PRR11: variants seen among roughly 807,000 people sequenced by gnomAD.
PRR11 encodes proline rich 11.
Under a neutral mutation model 45.6 loss-of-function variants are expected in PRR11, and 30 were observed. That is an observed-to-expected ratio of 0.66 (90% CI 0.49 to 0.89). The LOEUF (loss-of-function observed/expected upper bound fraction) is 0.89. Among genes scored for constraint, PRR11 ranks in the 40% least tolerant of loss-of-function variants. The probability of loss-of-function intolerance (pLI) is 0.00; values close to 1 mark genes in which losing one functional copy is unlikely to be tolerated. For missense variants in PRR11, 373 were observed against 424.8 expected (o/e 0.88, Z 1.07); for synonymous variants, 128 against 153.5 (o/e 0.83, Z 1.23).
rs780286573 is a variant in PRR11 at position 59,201,620 on chromosome 17, GA to G, written c.1074del (p.Glu358AspfsTer20). 2 of 1,613,402 alleles carry G rather than the reference GA, an allele frequency of 1.2e-6. No individual in the cohort carries two copies. Among genetic ancestry groups the G allele is most frequent in the Non-Finnish European group, 8.5e-7 (1 of 1,179,908 alleles). Reference sequence around the variant, plus strand: ...GCCACTTTCTACAAGCAGCTTTGATGAACAAAACTGATGCCAACTCTGCCTC... The same window carrying G: ...GCCACTTTCTACAAGCAGCTTTGATGACAAAACTGATGCCAACTCTGCCTC... ...TLPLSTSSFD[E>X]QN On this transcript the variant is annotated frameshift_variant, in exon 10 of 10. Transcript: ENST00000262293. LOFTEE classifies it high-confidence loss of function.
intron 4 of PRR11, among the ~76,000 whole-genome samples, chr17:59,188,894 C>T (rs567308845): frequency 1.3e-5 from 2 of 151,392 alleles, no homozygotes; most frequent in African/African-American, 2.4e-5. Flanking sequence ...GAGCTGAGAT[C>T]GCGCCACAGC....
intron 1 of PRR11, among the ~76,000 whole-genome samples, chr17:59,158,629 T>C (rs1392040787): frequency 6.6e-6 from 1 of 152,214 alleles, no homozygotes; most frequent in African/African-American, 2.4e-5. Context: ...AGGTGAACTG[T>C]ATATGAGTGC....
At chr17:59,166,949 G>T (rs796749191) in intron 1 of PRR11, among the ~76,000 whole-genome samples, 5 of 152,218 alleles carry the variant, frequency 3.3e-5, no homozygotes, top group African/African-American at 1.2e-4. Flanking sequence ...AGATCACGAG[G>T]TCAGGAGATC....
intron 2 of PRR11, among the ~76,000 whole-genome samples, chr17:59,184,184 G>A (rs1486879357): frequency 2.6e-5 from 4 of 152,096 alleles, no homozygotes; most frequent in Non-Finnish European, 4.4e-5. Context: ...GTTCCTGGCC[G>A]GGCTCAGTGG....
intron 1 of PRR11, among the ~76,000 whole-genome samples, chr17:59,166,822 C>A (rs1483568515): frequency 6.6e-6 from 1 of 152,016 alleles, no homozygotes; most frequent in Non-Finnish European, 1.5e-5. Flanking sequence ...AGTGGCATTG[C>A]CACTTTTTAT....
chr17:59,161,447 A>AAC (rs2046652608), intron 1 of PRR11, among the ~76,000 whole-genome samples: 2 of 151,586 alleles, frequency 1.3e-5, no homozygotes, highest in Non-Finnish European at 2.9e-5. Context: ...CAAAAAAAAA[A>AAC]ACACACACAC....
At chr17:59,191,220 C>CTTTTTTT (rs60012514) in intron 4 of PRR11, among the ~76,000 whole-genome samples, 5 of 98,134 alleles carry the variant, frequency 5.1e-5, no homozygotes, top group East Asian at 2.4e-4. Context: ...TTCTTTTTTT[C>CTTTTTTT]TTTTTTTTTT....
chr17:59,174,848 A>G (rs2147841237), intron 2 of PRR11: 1 of 1,259,306 alleles, frequency 7.9e-7, no homozygotes, highest in Non-Finnish European at 1.1e-6. Context: ...TGGAAAAACA[A>G]ACGCCCCTTA....
At chr17:59,174,788 C>T (rs2046733358) in intron 2 of PRR11, among the ~76,000 whole-genome samples, 1 of 152,108 alleles carries the variant, frequency 6.6e-6, no homozygotes, top group African/African-American at 2.4e-5. Context: ...CTAGGAAACG[C>T]GGTGCGATCT....
rs769333548 is a variant in PRR11 at position 59,197,807 on chromosome 17, G to A, written c.1014+18G>A. On this transcript the variant is annotated intron_variant, in intron 9 of 9. Coordinates refer to ENST00000262293, the MANE Select transcript of PRR11 (RefSeq NM_018304.4). ...AGTTTCAGGTAACCCTTTAGGAAAA[G>A]AATATTGGTTCCTTTGCTTGAAAAT... 2 of 1,600,656 alleles carry A rather than the reference G, an allele frequency of 1.2e-6. No homozygotes were observed. Among genetic ancestry groups the A allele is most frequent in the South Asian group, 2.2e-5 (2 of 90,774 alleles).
intron 1 of PRR11, among the ~76,000 whole-genome samples, chr17:59,157,249 A>G (rs1247205806): frequency 2.0e-5 from 3 of 152,246 alleles, no homozygotes; most frequent in Admixed American, 6.5e-5. Context: ...CTGGGAAAAC[A>G]AAGATGAATG....
intron 2 of PRR11, among the ~76,000 whole-genome samples, chr17:59,174,313 T>C (rs1599695851): frequency 6.6e-6 from 1 of 152,208 alleles, no homozygotes. Flanking sequence ...TCACAAACCC[T>C]GAGTCCAGAA....
chr17:59,201,504 A>G, intron 9 of PRR11, 59 bp from the exon 10 acceptor site: 1 of 1,538,688 alleles, frequency 6.5e-7, no homozygotes, highest in South Asian at 1.1e-5. Flanking sequence ...GAGAAAGGAG[A>G]GTTGTACTTA....
At chr17:59,168,765 G>C (rs2046691914) in intron 1 of PRR11, among the ~76,000 whole-genome samples, 1 of 152,172 alleles carries the variant, frequency 6.6e-6, no homozygotes, top group African/African-American at 2.4e-5. Flanking sequence ...ATTTTACAGT[G>C]TATTGCCTAT....
chr17:59,195,474 A>G (rs753806119), intron 7 of PRR11, 31 bp downstream of exon 7: 1 of 1,367,898 alleles, frequency 7.3e-7, no homozygotes, highest in Non-Finnish European at 1.0e-6. Flanking sequence ...ATGCTCTACT[A>G]CTACTTAAAA....
At position 59,205,883 on chromosome 17, in the gene PRR11, C is replaced by CA. The variant is rs113333073; in HGVS notation, c.*4260dup. Among the ~76,000 whole-genome samples the CA allele has an allele frequency of 0.27, 39,845 of 147,120 alleles. 6,008 individuals carry two copies. Among genetic ancestry groups the CA allele is most frequent in the African/African-American group, 0.41 (16,455 of 40,602 alleles). ...CAACATGGTGAAACCCCGTCTCTACCAAAAAAAATATATAAAAATTATCTG... is the reference window on the plus strand; with the variant it reads ...CAACATGGTGAAACCCCGTCTCTACCAAAAAAAAATATATAAAAATTATCTG... On this transcript the variant is annotated 3_prime_UTR_variant, in exon 10 of 10. Transcript: ENST00000262293.
At chr17:59,194,957 T>G (rs1047725666) in intron 6 of PRR11, 102 bp downstream of exon 6, 1 of 889,026 alleles carries the variant, frequency 1.1e-6, no homozygotes, top group Admixed American at 2.5e-5. Flanking sequence ...GAGGATCACC[T>G]GAGCCCAGGA....
chr17:59,192,697 G>A (rs542240), intron 4 of PRR11, among the ~76,000 whole-genome samples: 288 of 152,208 alleles, frequency 1.9e-3, no homozygotes, highest in African/African-American at 6.4e-3. Flanking sequence ...ACACCAGTTA[G>A]AATGGATTAG....
In PRR11 at chr17:59,205,767, C is replaced by A. The variant is rs71372878; in HGVS notation, c.*4136C>A. On this transcript the variant is annotated 3_prime_UTR_variant, in exon 10 of 10. Coordinates refer to ENST00000262293, the MANE Select transcript of PRR11 (RefSeq NM_018304.4). Reference sequence around the variant, plus strand: ...ATTAAAAAATTATAGGCTTGGGGGCCAGGCACAGTGGCTCACACCTGTAAT... The same window carrying A: ...ATTAAAAAATTATAGGCTTGGGGGCAAGGCACAGTGGCTCACACCTGTAAT... Among the ~76,000 whole-genome samples, 1 of 151,116 alleles carries A rather than the reference C, an allele frequency of 6.6e-6. No homozygotes were observed.
Sources: gnomAD v4.1 joint callset for allele counts (sites outside exome capture counted in the v4.1 genomes callset) on GRCh38, gnomAD v4.1.1 for gene constraint, MANE v1.5 for transcripts, NCBI Gene and HGNC (gene_info 2026-07-23, HGNC 2026-07-21) for gene names.